The following CCDC192 variants were observed in gnomAD, a reference collection of about 807,000 sequenced individuals.
The protein encoded by CCDC192 is coiled-coil domain containing 192, also known as coiled-coil domain-containing protein 192.
At chr5:127,763,058 T>C (rs899153351) in intron 3 of CCDC192, among the ~76,000 whole-genome samples, 6 of 152,192 alleles carry the variant, frequency 3.9e-5, no homozygotes, top group African/African-American at 1.4e-4. Flanking sequence ...TGTCTGCTCC[T>C]TCTATAGACT....
intron 5 of CCDC192, among the ~76,000 whole-genome samples, chr5:127,840,575 A>G (rs1750236911): frequency 6.6e-6 from 1 of 151,752 alleles, no homozygotes. Context: ...TACAAAAATG[A>G]AGGTGTGGTA....
intron 6 of CCDC192, among the ~76,000 whole-genome samples, chr5:127,877,790 C>A (rs1390752449): frequency 1.3e-5 from 2 of 152,286 alleles, no homozygotes; most frequent in East Asian, 1.9e-4. Flanking sequence ...GCCCACCCCC[C>A]CACACACATA....
At chr5:127,892,722 A>T (rs1306706026) in intron 6 of CCDC192, among the ~76,000 whole-genome samples, 1 of 152,226 alleles carries the variant, frequency 6.6e-6, no homozygotes, top group East Asian at 1.9e-4. Context: ...TTATGAATTT[A>T]AATAAAGTAC....
intron 3 of CCDC192, among the ~76,000 whole-genome samples, chr5:127,780,587 T>G (rs1341156416): frequency 6.6e-6 from 1 of 152,210 alleles, no homozygotes; most frequent in Non-Finnish European, 1.5e-5. Context: ...TGTTGAGCAT[T>G]TTTTCATATA....
At chr5:127,817,653 T>G (rs1749085496) in intron 5 of CCDC192, among the ~76,000 whole-genome samples, 1 of 152,202 alleles carries the variant, frequency 6.6e-6, no homozygotes, top group Admixed American at 6.5e-5. Context: ...CTAATGGATA[T>G]GAATTTATTT....
chr5:127,877,278 A>G (rs749850779), intron 6 of CCDC192, among the ~76,000 whole-genome samples: 1 of 152,008 alleles, frequency 6.6e-6, no homozygotes, highest in Non-Finnish European at 1.5e-5. Context: ...AGGGACTAGA[A>G]CTCTAATGGC....
At chr5:127,917,500 G>T (rs748604923) in intron 6 of CCDC192, among the ~76,000 whole-genome samples, 1 of 152,144 alleles carries the variant, frequency 6.6e-6, no homozygotes, top group Non-Finnish European at 1.5e-5. Flanking sequence ...TAAAACAAGT[G>T]TAACTATTCC....
intron 6 of CCDC192, among the ~76,000 whole-genome samples, chr5:127,887,848 C>T (rs372688857): frequency 1.1e-4 from 17 of 150,158 alleles, no homozygotes; most frequent in South Asian, 2.1e-4. Flanking sequence ...GGACTACAGG[C>T]GCTCACCACC....
chr5:127,841,112 A>T (rs1750263909), intron 5 of CCDC192, among the ~76,000 whole-genome samples: 1 of 152,238 alleles, frequency 6.6e-6, no homozygotes, highest in South Asian at 2.1e-4. Context: ...TCAAACAAAG[A>T]GGAAAAGGAA....
chr5:127,777,542 C>A (rs1032549176), intron 3 of CCDC192, among the ~76,000 whole-genome samples: 1 of 152,094 alleles, frequency 6.6e-6, no homozygotes, highest in Non-Finnish European at 1.5e-5. Flanking sequence ...GTTGGGAAGG[C>A]ACGATTGGTT....
At chr5:127,815,477 T>G (rs954134441) in intron 5 of CCDC192, among the ~76,000 whole-genome samples, 1 of 152,136 alleles carries the variant, frequency 6.6e-6, no homozygotes, top group African/African-American at 2.4e-5. Context: ...TTCTATAAAT[T>G]CACAGAGTTC....
intron 2 of CCDC192, among the ~76,000 whole-genome samples, chr5:127,737,520 A>G (rs377731058): frequency 1.4e-3 from 207 of 148,952 alleles, no homozygotes; most frequent in African/African-American, 4.4e-3. Context: ...GTCTAATGTT[A>G]ACAGTGGGGT....
At chr5:127,767,432 A>T (rs911348273) in intron 3 of CCDC192, among the ~76,000 whole-genome samples, 2 of 152,214 alleles carry the variant, frequency 1.3e-5, no homozygotes, top group Non-Finnish European at 2.9e-5. Flanking sequence ...TTTTTTGTAC[A>T]CTTGGATTTG....
intron 5 of CCDC192, among the ~76,000 whole-genome samples, chr5:127,826,474 A>G (rs1749539240): frequency 6.6e-6 from 1 of 151,916 alleles, no homozygotes; most frequent in Admixed American, 6.6e-5. Context: ...TACTGAGAAA[A>G]CATGTAGGTT....
chr5:127,708,728 G>A (rs1231227304), intron 2 of CCDC192, among the ~76,000 whole-genome samples: 1 of 152,182 alleles, frequency 6.6e-6, no homozygotes, highest in African/African-American at 2.4e-5. Context: ...AGATTTTTGG[G>A]ATGTGAAAAT....
At chr5:127,839,923 G>A (rs1750209677) in intron 5 of CCDC192, among the ~76,000 whole-genome samples, 1 of 151,974 alleles carries the variant, frequency 6.6e-6, no homozygotes, top group Non-Finnish European at 1.5e-5. Context: ...AAAGAACTAT[G>A]GTAATATTTG....
chr5:127,854,558 C>T (rs547684296), intron 5 of CCDC192, among the ~76,000 whole-genome samples: 4 of 152,184 alleles, frequency 2.6e-5, no homozygotes, highest in Admixed American at 2.0e-4. Context: ...ATATCTATAG[C>T]GTTCAGTTTC....
At chr5:127,702,417 G>A (rs941075855), upstream of CCDC192, among the ~76,000 whole-genome samples, 2 of 152,158 alleles carry the variant, frequency 1.3e-5, no homozygotes, top group African/African-American at 4.8e-5. Flanking sequence ...AACAACAACC[G>A]CTCAATAGTT....
chr5:127,843,578 C>T (rs557208781), intron 5 of CCDC192, among the ~76,000 whole-genome samples: 26 of 152,130 alleles, frequency 1.7e-4, no homozygotes, highest in Non-Finnish European at 3.4e-4. Flanking sequence ...GCTGGTATTA[C>T]AGGCATGCAC....
Sources: allele counts gnomAD v4.1 joint callset (sites outside exome capture counted in the v4.1 genomes callset), GRCh38; gene constraint gnomAD v4.1.1; transcripts MANE v1.5; gene names NCBI Gene and HGNC (gene_info 2026-07-23, HGNC 2026-07-21).